The following ANO1 variants were observed in gnomAD, a reference collection of about 807,000 sequenced individuals.
The protein encoded by ANO1 is anoctamin 1, also known as anoctamin-1.
A neutral mutation model predicts 124.0 loss-of-function variants in ANO1; 59 were observed. The observed-to-expected ratio is 0.48, with a 90% CI of 0.39 to 0.59. ANO1 has a LOEUF of 0.59. ANO1 is among the 20% of genes least tolerant of loss of function. ANO1 has a pLI of 0.00. For synonymous variants in ANO1, 529 were observed against 532.0 expected, an observed-to-expected ratio of 0.99 and a Z score of 0.08; for missense variants, 1,059 against 1,328.0, an observed-to-expected ratio of 0.80 and a Z score of 3.15.
At chr11:70,078,962 G>A (rs543291056) in intron 1 of ANO1, among the ~76,000 whole-genome samples, 1 of 151,944 alleles carries the variant, frequency 6.6e-6, no homozygotes, top group African/African-American at 2.4e-5. Flanking sequence ...GCGCAGCGCC[G>A]GGCCCCCAGG....
intron 2 of ANO1, among the ~76,000 whole-genome samples, chr11:70,093,213 C>T (rs982131244): frequency 6.7e-6 from 1 of 149,226 alleles, no homozygotes; most frequent in Non-Finnish European, 1.5e-5. Flanking sequence ...TCTTCCCCCT[C>T]TCTCTCTCTT....
At chr11:69,987,277 C>T (rs1329048033) in intron 1 of ANO1, among the ~76,000 whole-genome samples, 1 of 152,322 alleles carries the variant, frequency 6.6e-6, no homozygotes, top group Non-Finnish European at 1.5e-5. Context: ...CTCAAGCTCA[C>T]GTGTAGAAAT....
intron 14 of ANO1, 80 bp from the exon 15 acceptor site, chr11:70,155,830 GA>G: frequency 7.5e-7 from 1 of 1,331,140 alleles, no homozygotes; most frequent in Non-Finnish European, 1.0e-6. Context: ...CCAAGATGGG[GA>G]CGGTTCCCTG....
chr11:70,004,128 C>T (rs572715466), intron 1 of ANO1, among the ~76,000 whole-genome samples: 30 of 152,196 alleles, frequency 2.0e-4, no homozygotes, highest in Admixed American at 5.9e-4. Flanking sequence ...GCCCCAGGTC[C>T]TCACACAGTG....
At chr11:70,019,678 T>G (rs1420151739) in intron 1 of ANO1, among the ~76,000 whole-genome samples, 1 of 152,216 alleles carries the variant, frequency 6.6e-6, no homozygotes, top group Non-Finnish European at 1.5e-5. Context: ...TTTCATGTGT[T>G]TTCTTTCCAA....
intron 21 of ANO1, among the ~76,000 whole-genome samples, chr11:70,168,921 T>G (rs1289249913): frequency 1.3e-5 from 2 of 151,866 alleles, no homozygotes; most frequent in Non-Finnish European, 2.9e-5. Flanking sequence ...GAGAGGAATC[T>G]TCAGTGTGGC....
At chr11:69,968,214 A>G in the ANO1 span, among the ~76,000 whole-genome samples, 1 of 152,152 alleles carries the variant, frequency 6.6e-6, no homozygotes, top group African/African-American at 2.4e-5. Flanking sequence ...TGTAGTACAA[A>G]GCAGGAGGAG....
intron 11 of ANO1, among the ~76,000 whole-genome samples, chr11:70,136,078 G>A (rs1312101671): frequency 1.3e-5 from 2 of 152,236 alleles, no homozygotes; most frequent in Admixed American, 6.5e-5. Context: ...TGCAGGCAGC[G>A]CAGATTGGTC....
At chr11:70,016,536 C>T (rs1856706625) in intron 1 of ANO1, 1 of 152,292 alleles carries the variant, frequency 6.6e-6, no homozygotes, top group Admixed American at 6.5e-5. Context: ...AGTGGCCAGC[C>T]TGGGATGCTG....
intron 16 of ANO1, among the ~76,000 whole-genome samples, chr11:70,160,606 TC>T (rs1439890355): frequency 6.6e-6 from 1 of 152,156 alleles, no homozygotes; most frequent in Non-Finnish European, 1.5e-5. Flanking sequence ...CCCTGCCCCA[TC>T]CCAGGCCACA....
At chr11:70,083,004 C>A (rs2044249147) in intron 1 of ANO1, among the ~76,000 whole-genome samples, 1 of 152,202 alleles carries the variant, frequency 6.6e-6, no homozygotes, top group Non-Finnish European at 1.5e-5. Context: ...GGCGCTGGGA[C>A]TCCCACACCT....
intron 22 of ANO1, among the ~76,000 whole-genome samples, chr11:70,173,915 C>A (rs1253794813): frequency 6.6e-6 from 1 of 151,036 alleles, no homozygotes; most frequent in Admixed American, 6.6e-5. Context: ...GCTGGGCATG[C>A]AAATTTTTGT....
At chr11:70,005,601 G>A (rs1565158506) in intron 1 of ANO1, among the ~76,000 whole-genome samples, 1 of 152,134 alleles carries the variant, frequency 6.6e-6, no homozygotes, top group South Asian at 2.1e-4. Context: ...TCGATGAATA[G>A]CAAAATGAGG....
chr11:70,095,313 A>G (rs201845561), intron 2 of ANO1, among the ~76,000 whole-genome samples: 1,243 of 101,252 alleles, frequency 0.012, 51 homozygotes, highest in African/African-American at 0.021. Context: ...AGAAAGAAAG[A>G]AAGAAAGGAA....
chr11:70,123,480 G>A (rs2046376942), intron 8 of ANO1, among the ~76,000 whole-genome samples: 1 of 152,216 alleles, frequency 6.6e-6, no homozygotes, highest in Non-Finnish European at 1.5e-5. Flanking sequence ...GGCACTGGAG[G>A]AGTTATGGAG....
intron 1 of ANO1, among the ~76,000 whole-genome samples, chr11:70,059,348 C>CAAAAAAA (rs1192273449): frequency 4.0e-5 from 3 of 75,102 alleles, no homozygotes; most frequent in African/African-American, 5.9e-5. Context: ...GAGACACTGT[C>CAAAAAAA]AAAAAAAAAA....
rs1473980816 is a variant in ANO1, at chr11:70,095,362, G to GAGAAAGAA, written c.441+7279_441+7280insGAAAGAAA. ...AGAGAAAGAAAAAGAAAGAAAGAAA[G>GAGAAAGAA]AAAGAAAGAAAGAAAGAAAGAAAGA... On this transcript the variant is annotated intron_variant, in intron 2 of 25. Transcript: ENST00000355303. 4.2e-3 allele frequency among the ~76,000 whole-genome samples: 85 copies of GAGAAAGAA among 20,198 alleles called. 1 individual carries two copies. The highest frequency in any genetic ancestry group is 0.017 in the South Asian group (8 of 474). 13.3% of individuals were successfully genotyped at this position (20,198 alleles called of 152,430 possible). A position where few individuals can be genotyped will look rare whatever the true frequency, so the allele number is the denominator to read the frequency against.
At chr11:70,158,033 T>A (rs933751100) in intron 16 of ANO1, among the ~76,000 whole-genome samples, 40 of 146,362 alleles carry the variant, frequency 2.7e-4, no homozygotes, top group African/African-American at 1.0e-3. Flanking sequence ...GACCAAAACA[T>A]GACTTGAGCC....
rs185038677 is a variant in ANO1, at chr11:70,172,594, G to A, written c.2350+1555G>A. Among the ~76,000 whole-genome samples the A allele has an allele frequency of 1.3e-3, 196 of 152,140 alleles. No individual in the cohort carries two copies. In the Middle Eastern group the frequency reaches 0.014, roughly 11 times the overall value. ...TAAGAAAATGTGGGAAATTGACCAGGCGCAGTGGCTCATGCCTGTAATCCC... is the reference window on the plus strand; with the variant it reads ...TAAGAAAATGTGGGAAATTGACCAGACGCAGTGGCTCATGCCTGTAATCCC... On this transcript the variant is annotated intron_variant, in intron 22 of 25. Transcript: ENST00000355303.
Sources: gnomAD v4.1 joint callset for allele counts (sites outside exome capture counted in the v4.1 genomes callset) on GRCh38, gnomAD v4.1.1 for gene constraint, MANE v1.5 for transcripts, NCBI Gene and HGNC (gene_info 2026-07-23, HGNC 2026-07-21) for gene names.